Variants in ASS1 observed in about 807,000 individuals in gnomAD.
The protein encoded by ASS1 is argininosuccinate synthase 1.
ASS1 carries 58 observed loss-of-function variants against 60.5 expected under a neutral mutation model. The observed-to-expected ratio is 0.96, with a 90% CI of 0.78 to 1.19. ASS1 has a LOEUF of 1.19. ASS1 is among the 50% of genes most tolerant of loss of function. The probability of loss-of-function intolerance (pLI) is 0.00; values close to 1 mark genes in which losing one functional copy is unlikely to be tolerated. For synonymous variants in ASS1, 200 were observed against 206.9 expected (o/e 0.97, Z 0.29); for missense variants, 454 against 547.3 (o/e 0.83, Z 1.70).
intron 4 of ASS1, among the ~76,000 whole-genome samples, chr9:130,460,935 T>C (rs1588477727): frequency 6.6e-6 from 1 of 151,874 alleles, no homozygotes; most frequent in African/African-American, 2.4e-5. Context: ...GGACCGTGTG[T>C]ATGCTGCCAT....
rs932133888 is a variant in ASS1 at position 130,466,932 on chromosome 9, C to T, written c.495+133C>T. On this transcript the variant is annotated intron_variant, in intron 6 of 14. Coordinates refer to ENST00000352480, the MANE Select transcript of ASS1 (RefSeq NM_054012.4). Reference sequence around the variant, plus strand: ...CATGTGATGGGGGATTGAACTTCCACCCCAGCTGCCTACACACGTGGCCTC... The same window carrying T: ...CATGTGATGGGGGATTGAACTTCCATCCCAGCTGCCTACACACGTGGCCTC... 5.8e-6 allele frequency: 6 copies of T among 1,033,264 alleles called. No individual in the cohort carries two copies. In the African/African-American group the frequency reaches 9.5e-5, roughly 16 times the overall value. 64.0% of individuals were successfully genotyped at this position (1,033,264 alleles called of 1,614,324 possible).
intron 14 of ASS1, among the ~76,000 whole-genome samples, chr9:130,500,612 G>A (rs1468042181): frequency 6.6e-6 from 1 of 151,794 alleles, no homozygotes; most frequent in South Asian, 2.1e-4. Context: ...CTTCCCCTCC[G>A]TCACCTCCAC....
Position 130,470,373 on chromosome 9 carries a change from C to G in ASS1, c.496-461C>G, listed in dbSNP as rs1845838854. ...GCCCCCAGAAGGTGTGGGCCATGAG[C>G]TAAAAGCTCTCCCTGCATCCTACCT... is the stretch of plus-strand genomic sequence containing the variant. On this transcript the variant is annotated intron_variant, in intron 6 of 14. Coordinates refer to ENST00000352480, the MANE Select transcript of ASS1 (RefSeq NM_054012.4). The surrounding 1 kb of genome is among the most constrained non-coding windows in gnomAD (Gnocchi z 4.3). Among the ~76,000 whole-genome samples the G allele has an allele frequency of 6.6e-6, 1 of 152,150 alleles. No homozygotes were observed. The highest frequency in any genetic ancestry group is 1.5e-5 in the Non-Finnish European group (1 of 68,022).
chr9:130,471,686 G>C (rs926162906), intron 8 of ASS1, among the ~76,000 whole-genome samples, 171 bp downstream of exon 8: 16 of 151,378 alleles, frequency 1.1e-4, no homozygotes. Flanking sequence ...GCCCCCCTCT[G>C]CCCACCGTCT....
chr9:130,489,381 A>G lies in ASS1; in HGVS notation c.887A>G (p.Asp296Gly). The change falls in exon 12 of 15, where the codon GAC becomes GGC. Residue 296 changes from aspartate to glycine, a missense_variant. Transcript: ENST00000352480. This position sits in a 1 kb window ranked among gnomAD's most constrained non-coding sequence, Gnocchi z 4.1. ...AGTILYHAHLDIEAFTMDREV... is the reference protein window; with the variant it reads ...AGTILYHAHLGIEAFTMDREV... Reference sequence around the variant, plus strand: ...ACCATCCTTTACCATGCTCATTTAGACATCGAGGCCTTCACCATGGACCGG... The same window carrying G: ...ACCATCCTTTACCATGCTCATTTAGGCATCGAGGCCTTCACCATGGACCGG... The G allele has an allele frequency of 6.2e-7, 1 of 1,613,970 alleles. No homozygotes were observed. The highest frequency in any genetic ancestry group is 8.5e-7 in the Non-Finnish European group (1 of 1,180,012).
intron 8 of ASS1, among the ~76,000 whole-genome samples, chr9:130,474,776 C>T (rs974210879): frequency 7.9e-5 from 12 of 152,242 alleles, no homozygotes; most frequent in African/African-American, 2.9e-4. Context: ...AGCTGGGAAC[C>T]AGCATAAGGT....
Position 130,489,579 on chromosome 9 carries a change from C to T in ASS1, c.970+115C>T. 1.3e-6 allele frequency: 2 copies of T among 1,527,854 alleles called. No homozygotes were observed. Among genetic ancestry groups the T allele is most frequent in the Non-Finnish European group, 1.8e-6 (2 of 1,110,874 alleles). The allele number at this position is 1,527,854 out of a possible 1,614,324, so 94.6% of individuals were successfully genotyped here. A position where few individuals can be genotyped will look rare whatever the true frequency, so the allele number is the denominator to read the frequency against. On this transcript the variant is annotated intron_variant, in intron 12 of 14. Transcript: ENST00000352480. This position sits in a 1 kb window ranked among gnomAD's most constrained non-coding sequence, Gnocchi z 4.1. ...TATCAGCACCTTCCTCCCCTGCCGC[C>T]CACTGCCATCCTCATGTGAGACCCC...
At chr9:130,464,700 G>C (rs1845684511) in intron 5 of ASS1, among the ~76,000 whole-genome samples, 1 of 152,138 alleles carries the variant, frequency 6.6e-6, no homozygotes, top group Non-Finnish European at 1.5e-5. Flanking sequence ...AACCGCCCTG[G>C]CCCGTGGCAT....
intron 1 of ASS1, among the ~76,000 whole-genome samples, chr9:130,447,151 G>A (rs74995491): frequency 0.09 from 13,764 of 152,258 alleles, 768 homozygotes; most frequent in South Asian, 0.19. Context: ...TGACTCACTG[G>A]GGGGCTGGTT....
intron 1 of ASS1, among the ~76,000 whole-genome samples, chr9:130,449,250 G>A (rs1260855959): frequency 2.0e-5 from 3 of 151,742 alleles, no homozygotes; most frequent in Admixed American, 1.3e-4. Context: ...AGCTGGGATG[G>A]GAGGATCCCT....
intron 6 of ASS1, among the ~76,000 whole-genome samples, chr9:130,467,033 T>G (rs1845759474): frequency 6.6e-6 from 1 of 152,130 alleles, no homozygotes; most frequent in Admixed American, 6.5e-5. Flanking sequence ...CTGAGGCCAT[T>G]TCCCAGTCCC....
intron 14 of ASS1, among the ~76,000 whole-genome samples, chr9:130,500,371 G>A (rs1349627853): frequency 6.6e-6 from 1 of 152,212 alleles, no homozygotes; most frequent in African/African-American, 2.4e-5. Context: ...CACACAGCTA[G>A]GAGGTGGTGG....
At chr9:130,451,288 G>A (rs891919640) in intron 1 of ASS1, among the ~76,000 whole-genome samples, 6 of 128,402 alleles carry the variant, frequency 4.7e-5, no homozygotes, top group Non-Finnish European at 1.0e-4. Flanking sequence ...GGCACTTCCC[G>A]GCTGCAGAGG....
At position 130,464,146 on chromosome 9, in the gene ASS1, C is replaced by T. The variant is rs766423479; in HGVS notation, c.399C>T (p.Tyr133=). Reference sequence around the variant, plus strand: ...AGGTCCGGTTTGAGCTCAGCTGCTACTCACTGGCCCCCCAGATAAAGGTAG... The same window carrying T: ...AGGTCCGGTTTGAGCTCAGCTGCTATTCACTGGCCCCCCAGATAAAGGTAG... ...NDQVRFELSC[Y]SLAPQIKVIA... The change falls in exon 5 of 15, where the codon TAC becomes TAT. Residue 133 remains tyrosine (Y), a synonymous_variant. Transcript: ENST00000352480. The T allele has an allele frequency of 9.9e-6, 16 of 1,614,056 alleles. No individual in the cohort carries two copies. The South Asian group carries it at 1.6e-4, about 17-fold the overall frequency.
intron 1 of ASS1, among the ~76,000 whole-genome samples, chr9:130,446,158 C>G (rs973265685): frequency 2.0e-5 from 3 of 152,114 alleles, no homozygotes; most frequent in African/African-American, 4.8e-5. Flanking sequence ...TGCCTGGCCC[C>G]CAAGCTTCAG....
intron 3 of ASS1, among the ~76,000 whole-genome samples, chr9:130,457,355 C>T (rs1392352773): frequency 6.6e-6 from 1 of 152,178 alleles, no homozygotes; most frequent in African/African-American, 2.4e-5. Context: ...CCCGTAGTCC[C>T]AGCTACTCAA....
chr9:130,452,967 CG>C (rs1243091843), intron 2 of ASS1, among the ~76,000 whole-genome samples: 2 of 152,184 alleles, frequency 1.3e-5, no homozygotes. Context: ...AACCAACTTA[CG>C]CAAAAAGGAA....
intron 11 of ASS1, among the ~76,000 whole-genome samples, chr9:130,487,504 C>G (rs11789315): frequency 0.034 from 5,098 of 152,132 alleles, 117 homozygotes; most frequent in Non-Finnish European, 0.05. Flanking sequence ...AGGTCCTTTC[C>G]CAGGGCTGTG....
chr9:130,483,109 T>C (rs1274220019), intron 11 of ASS1, among the ~76,000 whole-genome samples: 3 of 152,104 alleles, frequency 2.0e-5, no homozygotes, highest in Non-Finnish European at 2.9e-5. Context: ...ATTTCTCTAC[T>C]CCAAATATTT....
Sources: gnomAD v4.1 joint callset for allele counts (sites outside exome capture counted in the v4.1 genomes callset) on GRCh38, gnomAD v4.1.1 for gene constraint, Gnocchi (gnomAD v3.1) non-coding constraint, MANE v1.5 for transcripts, NCBI Gene and HGNC (gene_info 2026-07-23, HGNC 2026-07-21) for gene names.